The following RFX6 variants were observed in gnomAD, a reference collection of about 807,000 sequenced individuals.
RFX6 encodes the protein regulatory factor X6.
A neutral mutation model predicts 110.8 loss-of-function variants in RFX6; 50 were observed. The ratio of observed to expected loss-of-function variants is 0.45; its 90% CI spans 0.36 to 0.57. RFX6 has a LOEUF of 0.57. Ranked by LOEUF, RFX6 falls within the 20% of genes least tolerant of loss-of-function variation. RFX6 has a pLI of 0.00. For missense variants in RFX6, 990 were observed against 1,127.0 expected (o/e 0.88, Z 1.74); for synonymous variants, 383 against 411.2 (o/e 0.93, Z 0.83).
At chr6:116,900,403 C>T (rs551366313) in intron 6 of RFX6, among the ~76,000 whole-genome samples, 21 of 151,986 alleles carry the variant, frequency 1.4e-4, no homozygotes, top group African/African-American at 3.9e-4. Context: ...TACAGGCGTG[C>T]GCCGCCACAC....
rs1364850676 is a variant in RFX6, at chr6:116,911,014, T to A, written c.752T>A (p.Val251Glu). 3.1e-6 allele frequency: 5 copies of A among 1,611,762 alleles called. No individual in the cohort carries two copies. The East Asian group carries it at 8.9e-5, about 29-fold the overall frequency. The change falls in exon 7 of 19, where the codon GTA (valine) becomes GAA (glutamate). Residue 251 changes from valine (V) to glutamate (E), a missense_variant. This residue lies in a region of RFX6 where 243 missense variants were observed against 353.1 expected (regional missense o/e 0.69). Coordinates refer to ENST00000332958, the MANE Select transcript of RFX6 (RefSeq NM_173560.4). ...LPEFPSAQHLVYQGCISKDKV... is the reference protein window; with the variant it reads ...LPEFPSAQHLEYQGCISKDKV... The stretch of plus-strand genomic sequence containing the variant: ...GAATTCCCCAGCGCTCAACACCTTG[T>A]ATACCAAGGATGCATTTCTAAGGAC...
chr6:116,890,536 G>A (rs1029684446), intron 4 of RFX6, among the ~76,000 whole-genome samples: 9 of 152,102 alleles, frequency 5.9e-5, no homozygotes, highest in African/African-American at 2.2e-4. Flanking sequence ...AAAAAAGAGT[G>A]TACTCTTTCA....
At chr6:116,895,620 C>T (rs1774926955) in intron 6 of RFX6, among the ~76,000 whole-genome samples, 2 of 151,084 alleles carry the variant, frequency 1.3e-5, no homozygotes, top group African/African-American at 4.9e-5. Flanking sequence ...CTATGCTACA[C>T]TATGGTTTGT....
intron 9 of RFX6, among the ~76,000 whole-genome samples, chr6:116,917,390 CA>C (rs1364837159): frequency 1.4e-5 from 2 of 142,758 alleles, no homozygotes; most frequent in African/African-American, 5.3e-5. Context: ...TAGAGAAAAA[CA>C]GTTTAATTTG....
intron 12 of RFX6, among the ~76,000 whole-genome samples, chr6:116,920,792 A>G (rs796119039): frequency 6.6e-6 from 1 of 152,220 alleles, no homozygotes; most frequent in South Asian, 2.1e-4. Context: ...TGAGGAAAAT[A>G]AAAGTCATCT....
At position 116,921,952 on chromosome 6, in the gene RFX6, T is replaced by C. The variant is rs1775607355; in HGVS notation, c.1328-90T>C. The C allele has an allele frequency of 8.6e-6, 6 of 696,968 alleles. No individual in the cohort carries two copies. In the East Asian group the frequency reaches 1.3e-4, roughly 15 times the overall value. 43.2% of individuals were successfully genotyped at this position (696,968 alleles called of 1,614,324 possible). A position where few individuals can be genotyped will look rare whatever the true frequency, so the allele number is the denominator to read the frequency against. On this transcript the variant is annotated intron_variant, in intron 12 of 18. Transcript: ENST00000332958. ...CCCTTTCATGCTATCAAAGTATTGATGATTCCAAGTTTTAGGTTTTCTCTT... is the reference window on the plus strand; with the variant it reads ...CCCTTTCATGCTATCAAAGTATTGACGATTCCAAGTTTTAGGTTTTCTCTT...
chr6:116,909,851 T>A (rs1775294946), intron 6 of RFX6, among the ~76,000 whole-genome samples: 1 of 143,780 alleles, frequency 7.0e-6, no homozygotes, highest in South Asian at 2.3e-4. Flanking sequence ...CTTATTTAAA[T>A]CTTAAATAAG....
intron 4 of RFX6, among the ~76,000 whole-genome samples, chr6:116,891,992 T>C (rs1006269545): frequency 1.3e-5 from 2 of 152,206 alleles, no homozygotes; most frequent in Non-Finnish European, 2.9e-5. Context: ...TTTTTCAGGT[T>C]AACAGACTAT....
chr6:116,877,709 A>C (rs1774493712), intron 1 of RFX6, 87 bp from the exon 2 acceptor site: 2 of 1,311,994 alleles, frequency 1.5e-6, no homozygotes, highest in Non-Finnish European at 2.2e-6. Flanking sequence ...CCAGTAGGCT[A>C]CTCCTTTGAA....
At chr6:116,918,122 A>G (rs1469257655) in intron 10 of RFX6, 36 bp downstream of exon 10, 2 of 1,432,880 alleles carry the variant, frequency 1.4e-6, no homozygotes, top group East Asian at 2.3e-5. Context: ...CATTCCTAGT[A>G]TAGGATTTAA....
rs7770158 is a variant in RFX6, at chr6:116,923,211, T to C, written c.1542T>C (p.Asn514=). ...ARVMHNLTLN[N]ASSFGSFHLI... ...TAATGCATAATCTCACCTTGAACAA[T>C]GCATCCAGTTTTGGTAACATACGTG... is the stretch of plus-strand genomic sequence containing the variant. The change falls in exon 14 of 19, where the codon AAT becomes AAC. Residue 514 remains asparagine (N), a synonymous_variant. Transcript: ENST00000332958. The C allele has an allele frequency of 0.21, 320,846 of 1,504,142 alleles. 39,102 individuals are homozygous for C. The highest frequency in any genetic ancestry group is 0.41 in the South Asian group (36,185 of 88,464). The allele number at this position is 1,504,142 out of a possible 1,614,324, so 93.2% of individuals were successfully genotyped here.
chr6:116,894,074 C>T lies in RFX6; in HGVS notation c.644+10C>T. On this transcript the variant is annotated intron_variant, in intron 5 of 18. Coordinates refer to ENST00000332958, the MANE Select transcript of RFX6 (RefSeq NM_173560.4). ...GAAAGGGCTTGACAAGGTAGAGTTACACCATCTTCAAGACAAATTCTCTGT... is the reference window on the plus strand; with the variant it reads ...GAAAGGGCTTGACAAGGTAGAGTTATACCATCTTCAAGACAAATTCTCTGT... 7.1e-7 allele frequency: 1 copy of T among 1,412,806 alleles called. No individual in the cohort carries two copies. The highest frequency in any genetic ancestry group is 1.1e-5 in the South Asian group (1 of 87,056). The allele number at this position is 1,412,806 out of a possible 1,614,324, so 87.5% of individuals were successfully genotyped here.
chr6:116,915,903 C>T (rs912756897), intron 7 of RFX6, 105 bp from the exon 8 acceptor site: 1 of 834,352 alleles, frequency 1.2e-6, no homozygotes, highest in Non-Finnish European at 2.1e-6. Context: ...GAGCATACTG[C>T]TTGGTACGTA....
At chr6:116,910,810 G>T in intron 6 of RFX6, 125 bp from the exon 7 acceptor site, 4 of 761,724 alleles carry the variant, frequency 5.3e-6, no homozygotes, top group South Asian at 2.9e-5. Flanking sequence ...CTCAAATCTC[G>T]TAAATTCTCA....
chr6:116,886,771 C>CA (rs199914768), intron 4 of RFX6, among the ~76,000 whole-genome samples: 3,839 of 150,378 alleles, frequency 0.026, 64 homozygotes, highest in Admixed American at 0.046. Flanking sequence ...TATATTAAAA[C>CA]AAAAAAAAAT....
chr6:116,926,820 T>A (rs1467723302), intron 16 of RFX6, among the ~76,000 whole-genome samples: 1 of 152,332 alleles, frequency 6.6e-6, no homozygotes, highest in East Asian at 1.9e-4. Context: ...CAAATCCACG[T>A]CTCCACTGTT....
chr6:116,894,160 G>C, intron 5 of RFX6, 96 bp downstream of exon 5: 1 of 796,860 alleles, frequency 1.3e-6, no homozygotes, highest in Non-Finnish European at 2.3e-6. Context: ...TGCTTATCAA[G>C]ATGTTTCCAT....
chr6:116,925,909 A>G (rs556820006), intron 16 of RFX6, among the ~76,000 whole-genome samples: 20 of 152,320 alleles, frequency 1.3e-4, no homozygotes, highest in Non-Finnish European at 2.2e-4. Flanking sequence ...TAGTTAATTT[A>G]GTGGAAGAAA....
In RFX6 at chr6:116,908,580, A is replaced by C. The variant is rs77686136; in HGVS notation, c.673-2355A>C. ...AAATTTACCTTGTTTGTGATTTTCA[A>C]GGGTATTTTACCACTAAGTAAGACA... On this transcript the variant is annotated intron_variant, in intron 6 of 18. Coordinates refer to ENST00000332958, the MANE Select transcript of RFX6 (RefSeq NM_173560.4). Among the ~76,000 whole-genome samples the C allele has an allele frequency of 7.9e-5, 12 of 152,046 alleles. No individual in the cohort carries two copies. In the East Asian group the frequency reaches 2.3e-3, roughly 29 times the overall value.
Sources: gnomAD v4.1 joint callset for allele counts (sites outside exome capture counted in the v4.1 genomes callset) on GRCh38, gnomAD v4.1.1 for gene constraint, gnomAD v4.1.1 regional missense constraint, MANE v1.5 for transcripts, NCBI Gene and HGNC (gene_info 2026-07-23, HGNC 2026-07-21) for gene names.